The following RUSC1 variants were observed in gnomAD, a reference collection of about 807,000 sequenced individuals.
The protein encoded by RUSC1 is RUN and SH3 domain containing 1.
A neutral mutation model predicts 72.1 loss-of-function variants in RUSC1; 40 were observed. The observed-to-expected ratio is 0.55, with a 90% CI of 0.43 to 0.72. The LOEUF is 0.72. Ranked by LOEUF, RUSC1 falls within the 30% of genes least tolerant of loss-of-function variation. The probability of loss-of-function intolerance (pLI) is 0.00; values close to 1 mark genes in which losing one functional copy is unlikely to be tolerated. For synonymous variants in RUSC1, 512 were observed against 494.2 expected, an observed-to-expected ratio of 1.04 and a Z score of -0.48; for missense variants, 1,092 against 1,172.3, an observed-to-expected ratio of 0.93 and a Z score of 1.00.
At position 155,330,407 on chromosome 1, in the gene RUSC1, G is replaced by T; in HGVS notation, c.2545G>T (p.Val849Leu). 1 of 1,612,612 alleles carries T rather than the reference G, an allele frequency of 6.2e-7. No homozygotes were observed. The highest frequency in any genetic ancestry group is 8.5e-7 in the Non-Finnish European group (1 of 1,180,032). Residue 849 changes from valine (V) to leucine (L), a missense_variant, in exon 10 of 10, where the codon GTG becomes TTG. Transcript: ENST00000368352. Reference protein sequence around the residue: ...APRMVQTHRAVRALCDHTAAR... With the variant: ...APRMVQTHRALRALCDHTAAR... ...TCTTCCTCTGGCTCCCCTCAGGGCA[G>T]TGCGGGCTCTCTGTGATCACACTGC...
At chr1:155,321,434 GC>G in intron 1 of RUSC1, 1 of 1,413,298 alleles carries the variant, frequency 7.1e-7, no homozygotes, top group Non-Finnish European at 9.5e-7. Flanking sequence ...CCAGGCCCCC[GC>G]CCCCCTTCGG....
intron 8 of RUSC1, 88 bp from the exon 9 acceptor site, chr1:155,328,062 C>A: frequency 1.3e-6 from 2 of 1,500,942 alleles, no homozygotes; most frequent in Non-Finnish European, 1.8e-6. Context: ...CACAATTAGG[C>A]CCCTTAGCCT....
At position 155,321,672 on chromosome 1, in the gene RUSC1, C is replaced by A. The variant is rs1650541463; in HGVS notation, c.-86-16C>A. 5 of 1,488,718 alleles carry A rather than the reference C, an allele frequency of 3.4e-6. No individual in the cohort carries two copies. Among genetic ancestry groups the A allele is most frequent in the Non-Finnish European group, 3.7e-6 (4 of 1,084,156 alleles). 92.2% of individuals were successfully genotyped at this position (1,488,718 alleles called of 1,614,324 possible). On this transcript the variant is annotated splice_polypyrimidine_tract_variant and intron_variant, in intron 1 of 9. Coordinates refer to ENST00000368352, the MANE Select transcript of RUSC1 (RefSeq NM_001105203.2). ...CTTGTCCTCACTGGCCGGGCTTCACCACCTCTGTCTTCTAGGTCTGCACCT... is the reference window on the plus strand; with the variant it reads ...CTTGTCCTCACTGGCCGGGCTTCACAACCTCTGTCTTCTAGGTCTGCACCT...
Position 155,326,972 on chromosome 1 carries a change from C to A in RUSC1, c.2254C>A (p.Arg752=). Reference sequence around the variant, plus strand: ...GGGCACTGAGGGCTTTCCTCTTTCCCGATGGGCACCGGGGCGTCATGGGAC... The same window carrying A: ...GGGCACTGAGGGCTTTCCTCTTTCCAGATGGGCACCGGGGCGTCATGGGAC... The part of the protein sequence containing the change: ...SGGTEGFPLS[R]WAPGRHGTAA... Residue 752 remains arginine, a synonymous_variant, in exon 8 of 10, where the codon CGA becomes AGA. Coordinates refer to ENST00000368352, the MANE Select transcript of RUSC1 (RefSeq NM_001105203.2). This position sits in a 1 kb window ranked among gnomAD's most constrained non-coding sequence, Gnocchi z 4.7. The A allele has an allele frequency of 6.2e-7, 1 of 1,613,746 alleles. No individual in the cohort carries two copies. Among genetic ancestry groups the A allele is most frequent in the Non-Finnish European group, 8.5e-7 (1 of 1,180,042 alleles).
At chr1:155,328,306 T>G (rs1651636584) in intron 9 of RUSC1, 31 bp downstream of exon 9, 1 of 1,575,416 alleles carries the variant, frequency 6.3e-7, no homozygotes, top group Non-Finnish European at 8.6e-7. Context: ...TGCACTAGTG[T>G]GTAACCATGT....
intron 2 of RUSC1, 104 bp from the exon 3 acceptor site, chr1:155,324,741 G>C: frequency 6.3e-7 from 1 of 1,593,142 alleles, no homozygotes; most frequent in Non-Finnish European, 8.6e-7. Context: ...AGACCCTTCG[G>C]GGACACAGCA....
intron 2 of RUSC1, chr1:155,324,284 G>A: frequency 6.5e-7 from 1 of 1,539,684 alleles, no homozygotes; most frequent in African/African-American, 1.4e-5. Context: ...CACGCGGGAT[G>A]AAGAGGGCAC....
Position 155,323,060 on chromosome 1 carries a change from G to T in RUSC1, c.1287G>T (p.Arg429=). ...PIAEGQSEEG[R]AVSPAAGEEA... ...CGGAGGGGCAGTCCGAGGAGGGCCG[G>T]GCTGTCAGCCCAGCGGCTGGCGAGG... The change falls in exon 2 of 10, where the codon CGG becomes CGT. Residue 429 remains arginine (R), a synonymous_variant. Transcript: ENST00000368352. The T allele has an allele frequency of 1.4e-6, 2 of 1,440,688 alleles. No individual in the cohort carries two copies. Among genetic ancestry groups the T allele is most frequent in the South Asian group, 2.9e-5 (2 of 67,806 alleles). 89.2% of individuals were successfully genotyped at this position (1,440,688 alleles called of 1,614,324 possible).
Position 155,322,202 on chromosome 1 carries a change from G to C in RUSC1, c.429G>C (p.Gln143His). 6.2e-7 allele frequency: 1 copy of C among 1,609,726 alleles called. No homozygotes were observed. Among genetic ancestry groups the C allele is most frequent in the Non-Finnish European group, 8.5e-7 (1 of 1,177,132 alleles). The change falls in exon 2 of 10, where the codon CAG (glutamine) becomes CAC (histidine). Residue 143 changes from glutamine to histidine, a missense_variant. Physicochemically the swap from Gln to His is conservative, Grantham distance 24 (BLOSUM62 0). Transcript: ENST00000368352. Reference protein sequence around the residue: ...HPQPSIIPLEQGSPLASAGPG... With the variant: ...HPQPSIIPLEHGSPLASAGPG... The stretch of plus-strand genomic sequence containing the variant: ...AGCCCAGTATCATCCCCCTGGAGCA[G>C]GGCTCCCCACTGGCTTCAGCAGGCC...
Position 155,328,203 on chromosome 1 carries a change from G to T in RUSC1, c.2468G>T (p.Arg823Leu). ...GTGAGTGTGTTGGCTCTTGTGAAGCGGGGGGCACCTCCCGAGATGCCTTCT... is the reference window on the plus strand; with the variant it reads ...GTGAGTGTGTTGGCTCTTGTGAAGCTGGGGGCACCTCCCGAGATGCCTTCT... The part of the protein sequence containing the change: ...PTVSVLALVK[R>L]GAPPEMPSPQ... Residue 823 changes from arginine to leucine, a missense_variant, in exon 9 of 10, where the codon CGG becomes CTG. Coordinates refer to ENST00000368352, the MANE Select transcript of RUSC1 (RefSeq NM_001105203.2). 2 of 1,613,048 alleles carry T rather than the reference G, an allele frequency of 1.2e-6. No homozygotes were observed. The highest frequency in any genetic ancestry group is 3.3e-5 in the Admixed American group (2 of 59,896).
chr1:155,330,396 C>T lies in RUSC1; in HGVS notation c.2541-7C>T, dbSNP rs546025039. 1 of 1,612,292 alleles carries T rather than the reference C, an allele frequency of 6.2e-7. No individual in the cohort carries two copies. Among genetic ancestry groups the T allele is most frequent in the Admixed American group, 1.7e-5 (1 of 60,002 alleles). ...TCATCCCAGTATCTTCCTCTGGCTC[C>T]CCTCAGGGCAGTGCGGGCTCTCTGT... is the stretch of plus-strand genomic sequence containing the variant. On this transcript the variant is annotated splice_polypyrimidine_tract_variant and splice_region_variant and intron_variant, in intron 9 of 9. Coordinates refer to ENST00000368352, the MANE Select transcript of RUSC1 (RefSeq NM_001105203.2).
chr1:155,327,899 G>A (rs1303128165), intron 8 of RUSC1, among the ~76,000 whole-genome samples: 1 of 152,196 alleles, frequency 6.6e-6, no homozygotes, highest in African/African-American at 2.4e-5. Flanking sequence ...ATTTCATTCT[G>A]AGCCTGTCTA....
At chr1:155,321,409 G>T (rs1200863683) in intron 1 of RUSC1, 1 of 1,395,724 alleles carries the variant, frequency 7.2e-7, no homozygotes, top group African/African-American at 1.4e-5. Context: ...GGTCCATTCT[G>T]GGCCCGGACC....
rs754550425 is a variant in RUSC1, at chr1:155,326,804, C to T, written c.2086C>T (p.Leu696=). The change falls in exon 8 of 10, where the codon CTG becomes TTG. Residue 696 remains leucine, a synonymous_variant. Transcript: ENST00000368352. This position sits in a 1 kb window ranked among gnomAD's most constrained non-coding sequence, Gnocchi z 4.7. ...TCTGCAGCAGACTATGCAAGCCATG[C>T]TGCACTTTGGGGGCCGGCTGGCCCA... The part of the protein sequence containing the change: ...PALQQTMQAM[L]HFGGRLAQSL... 1.2e-6 allele frequency: 2 copies of T among 1,613,346 alleles called. No homozygotes were observed. Among genetic ancestry groups the T allele is most frequent in the Non-Finnish European group, 8.5e-7 (1 of 1,180,034 alleles).
Position 155,326,730 on chromosome 1 carries a change from T to A in RUSC1, c.2012T>A (p.Leu671Gln). The A allele has an allele frequency of 1.2e-6, 2 of 1,613,304 alleles. No individual in the cohort carries two copies. Among genetic ancestry groups the A allele is most frequent in the Non-Finnish European group, 1.7e-6 (2 of 1,180,038 alleles). ...LDLLFEHHHH[L>Q]PLGPPQAPAP... Reference sequence around the variant, plus strand: ...CTGCTCTTTGAGCACCACCACCACCTGCCCCTGGGCCCACCTCAGGCCCCT... The same window carrying A: ...CTGCTCTTTGAGCACCACCACCACCAGCCCCTGGGCCCACCTCAGGCCCCT... Residue 671 changes from leucine (L) to glutamine (Q), a missense_variant, in exon 8 of 10, where the codon CTG becomes CAG. Physicochemically the swap from Leu to Gln is moderately radical, Grantham distance 113 (BLOSUM62 -2). Coordinates refer to ENST00000368352, the MANE Select transcript of RUSC1 (RefSeq NM_001105203.2). The surrounding 1 kb of genome is among the most constrained non-coding windows in gnomAD (Gnocchi z 4.7).
chr1:155,323,035 C>A lies in RUSC1; in HGVS notation c.1262C>A (p.Ala421Glu), dbSNP rs1257509270. 6.2e-6 allele frequency: 9 copies of A among 1,462,334 alleles called. No individual in the cohort carries two copies. The highest frequency in any genetic ancestry group is 4.2e-5 in the South Asian group (3 of 72,014). The allele number at this position is 1,462,334 out of a possible 1,614,324, so 90.6% of individuals were successfully genotyped here. Reference protein sequence around the residue: ...KKNRPGLQPIAEGQSEEGRAV... With the variant: ...KKNRPGLQPIEEGQSEEGRAV... ...AACCGACCTGGACTGCAGCCCATAG[C>A]GGAGGGGCAGTCCGAGGAGGGCCGG... Residue 421 changes from alanine (A) to glutamate (E), a missense_variant, in exon 2 of 10, where the codon GCG becomes GAG. Ala to Glu is a moderately radical substitution (Grantham distance 107). Coordinates refer to ENST00000368352, the MANE Select transcript of RUSC1 (RefSeq NM_001105203.2).
At position 155,320,956 on chromosome 1, in the gene RUSC1, C is replaced by T. The variant is rs753312022; in HGVS notation, c.-122C>T. ...GGGCGGGGACCGTGGGAGCCGCGGA[C>T]AAGCCCAAGGCCGGAGCGGTTCCAG... is the stretch of plus-strand genomic sequence containing the variant. On this transcript the variant is annotated 5_prime_UTR_variant, in exon 1 of 10. Transcript: ENST00000368352. The T allele has an allele frequency of 8.3e-6, 13 of 1,559,538 alleles. No homozygotes were observed. The highest frequency in any genetic ancestry group is 5.5e-5 in the African/African-American group (4 of 73,122).
chr1:155,328,728 A>G (rs929941133), intron 9 of RUSC1, among the ~76,000 whole-genome samples: 4 of 152,186 alleles, frequency 2.6e-5, no homozygotes, highest in Middle Eastern at 3.4e-3. Context: ...CCTTCTGAGT[A>G]GCTGGGATTA....
In RUSC1 at chr1:155,325,530, A is replaced by AGGGCC. The variant is rs1651276033; in HGVS notation, c.1709-32_1709-28dup. ...CGTGGGACCCGGCAGTGCGCAGGGC[A>AGGGCC]GGGCCGGGCTTGGCTGACTGCACCC... On this transcript the variant is annotated intron_variant, in intron 5 of 9. Transcript: ENST00000368352. This position sits in a 1 kb window ranked among gnomAD's most constrained non-coding sequence, Gnocchi z 6.5. The AGGGCC allele has an allele frequency of 8.7e-6, 14 of 1,605,874 alleles. No homozygotes were observed. The highest frequency in any genetic ancestry group is 9.3e-6 in the Non-Finnish European group (11 of 1,179,178).
Sources: allele counts gnomAD v4.1 joint callset (sites outside exome capture counted in the v4.1 genomes callset), GRCh38; gene constraint gnomAD v4.1.1; non-coding constraint Gnocchi (gnomAD v3.1); transcripts MANE v1.5; gene names NCBI Gene and HGNC (gene_info 2026-07-23, HGNC 2026-07-21).